DOCK10: variants seen among roughly 807,000 people sequenced by gnomAD.
DOCK10 encodes dedicator of cytokinesis 10.
In DOCK10, 145 loss-of-function variants were observed where a neutral mutation model predicts 280.1. The ratio of observed to expected loss-of-function variants is 0.52; its 90% CI spans 0.45 to 0.59. The LOEUF is 0.59. DOCK10 is among the 20% of genes least tolerant of loss of function. DOCK10 has a pLI of 0.00. For missense variants in DOCK10, 2,368 were observed against 2,651.7 expected (o/e 0.89, Z 2.35); for synonymous variants, 915 against 942.2 (o/e 0.97, Z 0.53).
At chr2:224,792,932 A>T (rs751947817) in intron 47 of DOCK10, 42 bp downstream of exon 47, 2 of 1,434,900 alleles carry the variant, frequency 1.4e-6, no homozygotes, top group East Asian at 4.7e-5. Context: ...CAGCAAGTGG[A>T]TTTCCTCTGC....
chr2:224,794,904 T>C lies in DOCK10; in HGVS notation c.5129A>G (p.His1710Arg). 6.2e-7 allele frequency: 1 copy of C among 1,613,916 alleles called. No individual in the cohort carries two copies. Residue 1710 changes from histidine to arginine, a missense_variant, in exon 45 of 56, where the codon CAT (histidine) becomes CGT (arginine). Physicochemically the swap from His to Arg is conservative, Grantham distance 29. Transcript: ENST00000258390. ...CTCAGATAAATCTCCGTTTCTGGCATGAATCTTGGCCATACTTTCCAGCCA... is the reference window on the plus strand; with the variant it reads ...CTCAGATAAATCTCCGTTTCTGGCACGAATCTTGGCCATACTTTCCAGCCA... ...RTWLESMAKI[H>R]ARNGDLSEAA...
intron 1 of DOCK10, among the ~76,000 whole-genome samples, chr2:224,978,886 C>T (rs1243304349): frequency 6.6e-6 from 1 of 152,194 alleles, no homozygotes; most frequent in African/African-American, 2.4e-5. Context: ...TGTTCTTTAT[C>T]TGAATGGCAA....
chr2:224,810,419 G>A (rs376763811), intron 31 of DOCK10, among the ~76,000 whole-genome samples: 2 of 152,106 alleles, frequency 1.3e-5, no homozygotes, highest in Non-Finnish European at 1.5e-5. Context: ...GGTCAAATAC[G>A]TAGCATAGTA....
chr2:224,817,877 T>C (rs74939468), intron 29 of DOCK10, among the ~76,000 whole-genome samples: 1 of 152,216 alleles, frequency 6.6e-6, no homozygotes, highest in South Asian at 2.1e-4. Context: ...TCATGATTTA[T>C]TTTTGGCTGG....
At chr2:224,855,898 C>T (rs1302530308) in intron 15 of DOCK10, among the ~76,000 whole-genome samples, 1 of 152,098 alleles carries the variant, frequency 6.6e-6, no homozygotes, top group Non-Finnish European at 1.5e-5. Flanking sequence ...TTATATTAAA[C>T]ACAAAGGTAA....
intron 1 of DOCK10, among the ~76,000 whole-genome samples, chr2:224,961,060 T>G (rs1704354190): frequency 1.3e-5 from 2 of 152,170 alleles, no homozygotes; most frequent in South Asian, 4.1e-4. Context: ...TTCTAATGAT[T>G]GTATATTTTC....
At chr2:224,835,761 A>G (rs1695550921) in intron 25 of DOCK10, among the ~76,000 whole-genome samples, 1 of 152,236 alleles carries the variant, frequency 6.6e-6, no homozygotes, top group Non-Finnish European at 1.5e-5. Context: ...GATTACATTT[A>G]TTAGGAGGTA....
At position 224,833,600 on chromosome 2, in the gene DOCK10, G is replaced by A. The variant is rs567880373; in HGVS notation, c.2964+550C>T. Among the ~76,000 whole-genome samples, 4 of 151,568 alleles carry A rather than the reference G, an allele frequency of 2.6e-5. No individual in the cohort carries two copies. In the South Asian group the frequency reaches 8.3e-4, roughly 32 times the overall value. ...CACTCACAATGCCCAATTCTTACCT[G>A]TTCTACAATTTTTCTAATGCATCTT... On this transcript the variant is annotated intron_variant, in intron 26 of 55. Coordinates refer to ENST00000258390, the MANE Select transcript of DOCK10 (RefSeq NM_014689.3).
intron 3 of DOCK10, among the ~76,000 whole-genome samples, chr2:224,915,398 T>C (rs189613024): frequency 9.6e-4 from 146 of 152,310 alleles, no homozygotes; most frequent in African/African-American, 3.2e-3. Flanking sequence ...GAGTCTGCAT[T>C]TTTTCTTTTT....
At chr2:224,925,443 A>G (rs938675154) in intron 2 of DOCK10, among the ~76,000 whole-genome samples, 1 of 152,194 alleles carries the variant, frequency 6.6e-6, no homozygotes, top group Non-Finnish European at 1.5e-5. Context: ...TGACCTACTA[A>G]TATGAAGATG....
intron 1 of DOCK10, among the ~76,000 whole-genome samples, chr2:225,014,747 C>T (rs1224304643): frequency 3.3e-5 from 5 of 152,030 alleles, no homozygotes; most frequent in Non-Finnish European, 5.9e-5. Context: ...TTTCTCTGAA[C>T]TTTGTTCTGT....
chr2:224,806,586 CATTTT>C (rs1041883290), intron 33 of DOCK10, among the ~76,000 whole-genome samples: 4 of 152,040 alleles, frequency 2.6e-5, no homozygotes, highest in Non-Finnish European at 5.9e-5. Flanking sequence ...TTAGCAACTA[CATTTT>C]ATTTTATTTT....
chr2:224,906,411 A>G (rs1449219859), intron 3 of DOCK10, among the ~76,000 whole-genome samples: 2 of 152,170 alleles, frequency 1.3e-5, no homozygotes, highest in African/African-American at 4.8e-5. Flanking sequence ...ATACTCTGGT[A>G]TGCTTTTAGT....
intron 1 of DOCK10, among the ~76,000 whole-genome samples, chr2:224,997,472 TCCGCCCA>T (rs1706307272): frequency 6.6e-6 from 1 of 152,108 alleles, no homozygotes; most frequent in South Asian, 2.1e-4. Context: ...CCACAGGTGA[TCCGCCCA>T]CCTCAGCCTC....
intron 1 of DOCK10, among the ~76,000 whole-genome samples, chr2:224,957,288 C>CCG (rs1553622549): frequency 4.1e-5 from 6 of 145,816 alleles, no homozygotes; most frequent in Admixed American, 1.4e-4. Context: ...ACTTTCCGCC[C>CCG]CCCCCCGGCT....
At chr2:224,997,172 C>T (rs1706294256) in intron 1 of DOCK10, among the ~76,000 whole-genome samples, 1 of 152,014 alleles carries the variant, frequency 6.6e-6, no homozygotes, top group South Asian at 2.1e-4. Context: ...TTCAACACTG[C>T]CTTTGGGGTT....
In DOCK10 at chr2:224,865,072, C is replaced by T. The variant is rs370141899; in HGVS notation, c.1273G>A (p.Val425Met). The T allele has an allele frequency of 4.2e-5, 68 of 1,607,892 alleles. No homozygotes were observed. Among genetic ancestry groups the T allele is most frequent in the Non-Finnish European group, 5.4e-5 (64 of 1,178,346 alleles). Residue 425 changes from valine (V) to methionine (M), a missense_variant, in exon 12 of 56, where the codon GTG (valine) becomes ATG (methionine). Coordinates refer to ENST00000258390, the MANE Select transcript of DOCK10 (RefSeq NM_014689.3). ...CTGAGGTCATAAAGTGCCACACTCA[C>T]AAAAAAAGGCTCAATCTGCATGAAA... ...DPITNIEPFF[V>M]SVALYDLRDS...
chr2:225,018,839 ATATG>A (rs1472005129), intron 1 of DOCK10, among the ~76,000 whole-genome samples: 1 of 147,242 alleles, frequency 6.8e-6, no homozygotes, highest in Non-Finnish European at 1.5e-5. Context: ...GTGTATATAC[ATATG>A]TATATCGTTA....
At chr2:224,844,955 G>A (rs1164184274) in intron 21 of DOCK10, 116 bp from the exon 22 acceptor site, 2 of 849,636 alleles carry the variant, frequency 2.4e-6, no homozygotes, top group Admixed American at 2.3e-5. Context: ...ATCAGCTACA[G>A]GTGGAAAATA....
Sources: gnomAD v4.1 joint callset for allele counts (sites outside exome capture counted in the v4.1 genomes callset) on GRCh38, gnomAD v4.1.1 for gene constraint, MANE v1.5 for transcripts, NCBI Gene and HGNC (gene_info 2026-07-23, HGNC 2026-07-21) for gene names.